The following TMEM117 variants were observed in gnomAD, a reference collection of about 807,000 sequenced individuals.
TMEM117 encodes the protein transmembrane protein 117.
Under a neutral mutation model 52.4 loss-of-function variants are expected in TMEM117, and 27 were observed. That is an observed-to-expected ratio of 0.51 (90% CI 0.38 to 0.71). The LOEUF is 0.71. Ranked by LOEUF, TMEM117 falls within the 30% of genes least tolerant of loss-of-function variation. The pLI is 0.00. For synonymous variants in TMEM117, 215 were observed against 206.3 expected, an observed-to-expected ratio of 1.04 and a Z score of -0.36; for missense variants, 556 against 630.5, an observed-to-expected ratio of 0.88 and a Z score of 1.26.
the TMEM117 span, among the ~76,000 whole-genome samples, chr12:43,829,582 A>C: frequency 6.6e-6 from 1 of 152,192 alleles, no homozygotes; most frequent in Non-Finnish European, 1.5e-5. Context: ...GTCTGTTTTG[A>C]AGAAAAAAAG....
At chr12:44,336,887 T>A (rs1324729277) in intron 6 of TMEM117, among the ~76,000 whole-genome samples, 1 of 152,024 alleles carries the variant, frequency 6.6e-6, no homozygotes, top group Non-Finnish European at 1.5e-5. Flanking sequence ...AGACCTACTG[T>A]CATCTAGAGC....
At chr12:43,856,395 CA>C (rs1308615948) in intron 2 of TMEM117, among the ~76,000 whole-genome samples, 1 of 152,074 alleles carries the variant, frequency 6.6e-6, no homozygotes, top group Non-Finnish European at 1.5e-5. Flanking sequence ...TTTTAGAGCC[CA>C]AAGTGACCAA....
intron 2 of TMEM117, among the ~76,000 whole-genome samples, chr12:43,874,709 T>C (rs1592324745): frequency 1.3e-5 from 2 of 152,356 alleles, no homozygotes; most frequent in Admixed American, 1.3e-4. Context: ...CCTGCACTTT[T>C]AGCATTCTTT....
intron 3 of TMEM117, among the ~76,000 whole-genome samples, chr12:43,973,948 T>C (rs999421060): frequency 6.6e-6 from 1 of 152,160 alleles, no homozygotes; most frequent in Non-Finnish European, 1.5e-5. Context: ...AAAATACTAT[T>C]TTGTATCTTT....
At chr12:44,102,290 T>C (rs1947875179) in intron 3 of TMEM117, among the ~76,000 whole-genome samples, 1 of 151,964 alleles carries the variant, frequency 6.6e-6, no homozygotes, top group Admixed American at 6.6e-5. Flanking sequence ...CTAGAATAGT[T>C]TATTCATTAA....
intron 3 of TMEM117, among the ~76,000 whole-genome samples, chr12:44,035,600 A>G (rs1048988576): frequency 6.6e-6 from 1 of 152,188 alleles, no homozygotes; most frequent in Non-Finnish European, 1.5e-5. Flanking sequence ...TGAACGTTGA[A>G]TCTTTCTATT....
chr12:43,982,843 A>G (rs1945782659), intron 3 of TMEM117, among the ~76,000 whole-genome samples: 3 of 152,228 alleles, frequency 2.0e-5, no homozygotes, highest in East Asian at 1.9e-4. Flanking sequence ...GACTTGAGCT[A>G]TACAAATTTC....
intron 2 of TMEM117, among the ~76,000 whole-genome samples, chr12:43,854,256 G>A (rs1036819682): frequency 6.6e-6 from 1 of 152,094 alleles, no homozygotes; most frequent in African/African-American, 2.4e-5. Flanking sequence ...TTTGGGGGCT[G>A]CCTGCAATAA....
chr12:44,315,033 T>G (rs1951036915), intron 6 of TMEM117, among the ~76,000 whole-genome samples: 1 of 152,232 alleles, frequency 6.6e-6, no homozygotes, highest in African/African-American at 2.4e-5. Context: ...GTTTCTAGTT[T>G]GTGTGCATAG....
intron 6 of TMEM117, among the ~76,000 whole-genome samples, chr12:44,313,327 G>A (rs1030695912): frequency 2.0e-5 from 3 of 152,126 alleles, no homozygotes; most frequent in African/African-American, 7.2e-5. Flanking sequence ...TTCTGCATAT[G>A]ACTATCCAGT....
chr12:44,199,759 G>A (rs1949468507), intron 4 of TMEM117, among the ~76,000 whole-genome samples: 2 of 152,020 alleles, frequency 1.3e-5, no homozygotes, highest in African/African-American at 4.8e-5. Context: ...TACCAATGTG[G>A]GACTATGGTA....
intron 5 of TMEM117, among the ~76,000 whole-genome samples, chr12:44,295,985 T>G (rs1224452081): frequency 6.6e-6 from 1 of 152,186 alleles, no homozygotes; most frequent in Non-Finnish European, 1.5e-5. Context: ...TGGCAGATAT[T>G]GACCTTCTCC....
intron 4 of TMEM117, among the ~76,000 whole-genome samples, chr12:44,167,666 C>CA (rs902191180): frequency 9.4e-4 from 141 of 149,614 alleles, no homozygotes; most frequent in African/African-American, 2.7e-3. Flanking sequence ...GACTCTGTCT[C>CA]AAAAAAAAAG....
At chr12:44,062,430 T>G (rs918021182) in intron 3 of TMEM117, among the ~76,000 whole-genome samples, 5 of 152,220 alleles carry the variant, frequency 3.3e-5, no homozygotes, top group African/African-American at 1.2e-4. Context: ...AAAGTATCTA[T>G]ATAGATGTGC....
At chr12:44,299,891 T>G (rs1302580451) in intron 6 of TMEM117, 152 bp downstream of exon 6, 1 of 1,084,834 alleles carries the variant, frequency 9.2e-7, no homozygotes, top group African/African-American at 1.6e-5. Context: ...TTTCAGCTAT[T>G]ATACTGGGAG....
intron 2 of TMEM117, among the ~76,000 whole-genome samples, chr12:43,906,817 A>G (rs1944398649): frequency 6.6e-6 from 1 of 152,206 alleles, no homozygotes; most frequent in Non-Finnish European, 1.5e-5. Context: ...CCAGGAGATT[A>G]TATCCTGCAC....
intron 2 of TMEM117, among the ~76,000 whole-genome samples, chr12:43,933,877 A>G (rs1333370732): frequency 1.3e-5 from 2 of 152,190 alleles, no homozygotes; most frequent in East Asian, 3.8e-4. Context: ...TTCAATAGTG[A>G]CAATCTCTAA....
intron 5 of TMEM117, among the ~76,000 whole-genome samples, chr12:44,215,376 A>C (rs1949702120): frequency 6.6e-6 from 1 of 152,182 alleles, no homozygotes; most frequent in Non-Finnish European, 1.5e-5. Context: ...CTGGGCTTTC[A>C]TATTGCAAGG....
chr12:44,375,021 C>T (rs1016075307), intron 6 of TMEM117, among the ~76,000 whole-genome samples: 2 of 151,492 alleles, frequency 1.3e-5, no homozygotes, highest in Non-Finnish European at 2.9e-5. Flanking sequence ...TTATTATTAT[C>T]ATTATTATTA....
Sources: allele counts gnomAD v4.1 joint callset (sites outside exome capture counted in the v4.1 genomes callset), GRCh38; gene constraint gnomAD v4.1.1; transcripts MANE v1.5; gene names NCBI Gene and HGNC (gene_info 2026-07-23, HGNC 2026-07-21).